Variants in FGF12 observed in about 807,000 individuals in gnomAD.
FGF12 encodes the protein fibroblast growth factor 12.
In FGF12, 14 loss-of-function variants were observed where a neutral mutation model predicts 23.6. That is an observed-to-expected ratio of 0.59 (90% CI 0.39 to 0.93). The LOEUF (loss-of-function observed/expected upper bound fraction) is 0.93, where lower values mean the gene tolerates loss of function less well. Ranked by LOEUF, FGF12 falls within the 40% of genes least tolerant of loss-of-function variation. The probability of loss-of-function intolerance (pLI) is 0.00; values close to 1 mark genes in which losing one functional copy is unlikely to be tolerated. For synonymous variants in FGF12, 62 were observed against 77.3 expected (o/e 0.80, Z 1.04); for missense variants, 175 against 217.8 (o/e 0.80, Z 1.24).
intron 2 of FGF12, among the ~76,000 whole-genome samples, chr3:192,497,857 G>C (rs1186909528): frequency 1.2e-4 from 18 of 152,128 alleles, no homozygotes; most frequent in Admixed American, 1.2e-3. Context: ...TTATACACAT[G>C]CAAGTTGTTT....
At chr3:192,524,410 G>A (rs1724894924) in intron 2 of FGF12, among the ~76,000 whole-genome samples, 1 of 152,162 alleles carries the variant, frequency 6.6e-6, no homozygotes, top group African/African-American at 2.4e-5. Flanking sequence ...TTTCAGAAAA[G>A]GGCATAGGAA....
intron 3 of FGF12, among the ~76,000 whole-genome samples, chr3:192,350,592 A>C (rs1718174344): frequency 6.6e-6 from 1 of 152,154 alleles, no homozygotes; most frequent in Non-Finnish European, 1.5e-5. Flanking sequence ...TGAGCTATTT[A>C]GATATTTGGA....
In FGF12 at chr3:192,181,364, G is replaced by GACACACACACACACAC. The variant is rs200578658; in HGVS notation, c.229-10709_229-10708insGTGTGTGTGTGTGTGT. 1.1e-4 allele frequency among the ~76,000 whole-genome samples: 16 copies of GACACACACACACACAC among 142,860 alleles called. No homozygotes were observed. In the South Asian group the frequency reaches 1.5e-3, roughly 14 times the overall value. The allele number at this position is 142,860 out of a possible 152,430, so 93.7% of individuals were successfully genotyped here. ...GACAAGACCTACACGCACACACACA[G>GACACACACACACACAC]ACACACACACACAGACACACACACA... On this transcript the variant is annotated intron_variant, in intron 4 of 5. Transcript: ENST00000445105.
intron 2 of FGF12, among the ~76,000 whole-genome samples, chr3:192,398,448 T>C (rs1278730689): frequency 6.6e-6 from 1 of 151,168 alleles, no homozygotes; most frequent in African/African-American, 2.4e-5. Context: ...TGCAGTGGTG[T>C]GATCTTGGCA....
chr3:192,571,542 G>A (rs1418123557), intron 2 of FGF12, among the ~76,000 whole-genome samples: 2 of 152,146 alleles, frequency 1.3e-5, no homozygotes, highest in Non-Finnish European at 2.9e-5. Context: ...CTTTCCATCC[G>A]AGAAAGCAAA....
chr3:192,545,682 T>A (rs978743894), intron 2 of FGF12, among the ~76,000 whole-genome samples: 6 of 152,196 alleles, frequency 3.9e-5, no homozygotes, highest in African/African-American at 1.2e-4. Flanking sequence ...CTTTTATGGA[T>A]AAAATATTGT....
chr3:192,587,513 T>C (rs779362968), intron 2 of FGF12, among the ~76,000 whole-genome samples: 1 of 151,832 alleles, frequency 6.6e-6, no homozygotes, highest in Non-Finnish European at 1.5e-5. Flanking sequence ...ATGCCGAAAA[T>C]CAACTCAAGA....
chr3:192,178,662 A>AT (rs992752822), intron 4 of FGF12, among the ~76,000 whole-genome samples: 9 of 151,930 alleles, frequency 5.9e-5, no homozygotes, highest in African/African-American at 1.7e-4. Context: ...CCATGCCTTA[A>AT]TTTTTTTGTA....
At chr3:192,621,804 C>T (rs1714986542) in intron 2 of FGF12, among the ~76,000 whole-genome samples, 1 of 151,502 alleles carries the variant, frequency 6.6e-6, no homozygotes, top group African/African-American at 2.4e-5. Flanking sequence ...GAAAGCTTGG[C>T]AAGACGCTTG....
chr3:192,552,535 C>CA (rs66530976), intron 2 of FGF12, among the ~76,000 whole-genome samples: 70,278 of 143,144 alleles, frequency 0.49, 16,502 homozygotes, highest in East Asian at 0.57. Context: ...TAAAATGTAT[C>CA]AAAAAAAACC....
At chr3:192,343,534 G>A (rs887226528) in intron 3 of FGF12, among the ~76,000 whole-genome samples, 1 of 151,990 alleles carries the variant, frequency 6.6e-6, no homozygotes, top group African/African-American at 2.4e-5. Context: ...ATTTACTTCT[G>A]TTATTTATAA....
rs955537857 is a variant in FGF12, at chr3:192,544,587, G to A, written c.13+182594C>T. Among the ~76,000 whole-genome samples the A allele has an allele frequency of 3.9e-5, 6 of 152,104 alleles. No homozygotes were observed. The East Asian group carries it at 1.2e-3, about 29-fold the overall frequency. ...AAATTTATTTTATCTCAGTATTAAA[G>A]TTATCCAAAAGAGCTATTTAACACA... On this transcript the variant is annotated intron_variant, in intron 2 of 5. Coordinates refer to ENST00000445105, the MANE Select transcript of FGF12 (RefSeq NM_004113.6).
rs1715648696 is a variant in FGF12, at chr3:192,306,282, T to C, written c.228+29079A>G. 2.0e-5 allele frequency among the ~76,000 whole-genome samples: 3 copies of C among 152,120 alleles called. No homozygotes were observed. In the South Asian group the frequency reaches 6.2e-4, roughly 32 times the overall value. On this transcript the variant is annotated intron_variant, in intron 4 of 5. Transcript: ENST00000445105. ...AGTTGGAAATTCTTACACAAATCCA[T>C]CCATTATGGACGCTCTAAGCCACTA...
chr3:192,671,593 T>C (rs1717118875), intron 2 of FGF12, among the ~76,000 whole-genome samples: 1 of 152,208 alleles, frequency 6.6e-6, no homozygotes, highest in South Asian at 2.1e-4. Context: ...CTTCAGTTTT[T>C]TCTTCCACTG....
intron 4 of FGF12, among the ~76,000 whole-genome samples, chr3:192,268,228 A>G (rs1385162930): frequency 6.6e-6 from 1 of 152,140 alleles, no homozygotes; most frequent in Non-Finnish European, 1.5e-5. Flanking sequence ...TGCCCTACAT[A>G]CTAGCAAATT....
rs547718880 is a variant in FGF12, at chr3:192,156,946, C to A, written c.428-12819G>T. Among the ~76,000 whole-genome samples the A allele has an allele frequency of 9.3e-4, 142 of 152,210 alleles. 1 individual carries two copies. Among genetic ancestry groups the A allele is most frequent in the African/African-American group, 3.2e-3 (132 of 41,528 alleles). On this transcript the variant is annotated intron_variant, in intron 5 of 5. Transcript: ENST00000445105. ...ATTTTCTTCCTTCTTCTTAATGTTTCTTTCTATTCATGCTTTTGACTTTTC... is the reference window on the plus strand; with the variant it reads ...ATTTTCTTCCTTCTTCTTAATGTTTATTTCTATTCATGCTTTTGACTTTTC...
At chr3:192,557,920 C>G (rs755687652) in intron 2 of FGF12, among the ~76,000 whole-genome samples, 10 of 151,730 alleles carry the variant, frequency 6.6e-5, no homozygotes, top group Non-Finnish European at 4.4e-5. Context: ...GAAATTACCT[C>G]AACATAATGA....
intron 2 of FGF12, among the ~76,000 whole-genome samples, chr3:192,398,340 A>C (rs969885863): frequency 3.3e-5 from 5 of 151,696 alleles, no homozygotes; most frequent in South Asian, 4.2e-4. Context: ...GGGGAGCTAC[A>C]GTTAATAGCT....
At chr3:192,665,270 C>A (rs1414117633) in intron 2 of FGF12, among the ~76,000 whole-genome samples, 3 of 152,118 alleles carry the variant, frequency 2.0e-5, no homozygotes, top group Non-Finnish European at 4.4e-5. Flanking sequence ...TCAACTTCAT[C>A]ATGGTTCATG....
Sources: allele counts gnomAD v4.1 joint callset (sites outside exome capture counted in the v4.1 genomes callset), GRCh38; gene constraint gnomAD v4.1.1; transcripts MANE v1.5; gene names NCBI Gene and HGNC (gene_info 2026-07-23, HGNC 2026-07-21).